Variants in TRPM2 observed in about 807,000 individuals in gnomAD.
The protein encoded by TRPM2 is transient receptor potential cation channel subfamily M member 2.
TRPM2 carries 161 observed loss-of-function variants against 174.0 expected under a neutral mutation model. The observed-to-expected ratio is 0.93, with a 90% CI of 0.81 to 1.05. TRPM2 has a LOEUF of 1.05. TRPM2 is among the 50% of genes least tolerant of loss of function. TRPM2 has a pLI of 0.00. For synonymous variants in TRPM2, 954 were observed against 861.3 expected, an observed-to-expected ratio of 1.11 and a Z score of -1.88; for missense variants, 2,057 against 2,038.0, an observed-to-expected ratio of 1.01 and a Z score of -0.18.
At position 44,379,050 on chromosome 21, in the gene TRPM2, G is replaced by A. The variant is rs767948120; in HGVS notation, c.1068G>A (p.Ser356=). 52 of 1,611,252 alleles carry A rather than the reference G, an allele frequency of 3.2e-5. No individual in the cohort carries two copies. The South Asian group carries it at 4.4e-4, about 14-fold the overall frequency. The change falls in exon 8 of 32, where the codon TCG becomes TCA. Residue 356 remains serine (S), a synonymous_variant. Transcript: ENST00000397928. ...CCCCCTGTGTGGTTGTGGAGGGCTC[G>A]GGCCGCGTGGCCGACGTCATTGCCC... is the stretch of plus-strand genomic sequence containing the variant. ...NGTPCVVVEG[S]GRVADVIAQV...
intron 5 of TRPM2, among the ~76,000 whole-genome samples, chr21:44,371,205 C>T (rs2048530939): frequency 6.6e-6 from 1 of 152,110 alleles, no homozygotes; most frequent in African/African-American, 2.4e-5. Context: ...GGCCACCTCC[C>T]TCCAGTCGCT....
At chr21:44,436,514 GGGCTGCA>G in intron 28 of TRPM2, among the ~76,000 whole-genome samples, 1 of 19,726 alleles carries the variant, frequency 5.1e-5, no homozygotes, top group East Asian at 1.1e-3. Flanking sequence ...CGTCACCCCC[GGGCTGCA>G]CTCTGCACCC....
In TRPM2 at chr21:44,391,778, C is replaced by T. The variant is rs2049184575; in HGVS notation, c.1794+153C>T. Among the ~76,000 whole-genome samples, 1 of 152,202 alleles carries T rather than the reference C, an allele frequency of 6.6e-6. No individual in the cohort carries two copies. The highest frequency in any genetic ancestry group is 2.4e-5 in the African/African-American group (1 of 41,464). On this transcript the variant is annotated intron_variant, in intron 11 of 31. Transcript: ENST00000397928. This position sits in a 1 kb window ranked among gnomAD's most constrained non-coding sequence, Gnocchi z 5.0. ...CTTGGGCTGCTGTAACAAAATTCCA[C>T]AGATGGGGCAGAAACTACCAGTTTA...
Position 44,376,714 on chromosome 21 carries a change from T to TAA in TRPM2, c.952+701_952+702insAA, listed in dbSNP as rs2048709789. On this transcript the variant is annotated intron_variant, in intron 6 of 31. Coordinates refer to ENST00000397928, the MANE Select transcript of TRPM2 (RefSeq NM_003307.4). This position sits in a 1 kb window ranked among gnomAD's most constrained non-coding sequence, Gnocchi z 4.2. ...GTTTTGCATATCACTTGAGGAGGGT[T>TAA]CAAAGAGGAGATGGTGAACGGGAGG... 1.3e-5 allele frequency among the ~76,000 whole-genome samples: 2 copies of TAA among 152,088 alleles called. No homozygotes were observed. Among genetic ancestry groups the TAA allele is most frequent in the African/African-American group, 4.8e-5 (2 of 41,406 alleles).
chr21:44,376,014 G>A lies in TRPM2; in HGVS notation c.952+1G>A, dbSNP rs1249601335. 2 of 1,611,456 alleles carry A rather than the reference G, an allele frequency of 1.2e-6. No individual in the cohort carries two copies. Among genetic ancestry groups the A allele is most frequent in the Non-Finnish European group, 1.7e-6 (2 of 1,177,846 alleles). On this transcript the variant is annotated splice_donor_variant, in intron 6 of 31. Coordinates refer to ENST00000397928, the MANE Select transcript of TRPM2 (RefSeq NM_003307.4). LOFTEE classifies it high-confidence loss of function. This position sits in a 1 kb window ranked among gnomAD's most constrained non-coding sequence, Gnocchi z 4.2. The stretch of plus-strand genomic sequence containing the variant: ...TCGGAGCAGACCAAGGAAAGAGGAG[G>A]TAGGGGAGCTTGCTTTCGAGGGTGA...
At chr21:44,379,279 C>A in intron 8 of TRPM2, 82 bp downstream of exon 8, 1 of 1,507,336 alleles carries the variant, frequency 6.6e-7, no homozygotes, top group South Asian at 1.2e-5. Context: ...GACCAGGACT[C>A]ATGGACCGAT....
At position 44,354,834 on chromosome 21, in the gene TRPM2, G is replaced by T. The variant is rs2048009890; in HGVS notation, c.254+98G>T. Reference sequence around the variant, plus strand: ...CAAGACCCCTCAGGGCCTCAGTGAAGGGTCACTGGAGATACCTCTGTCTCC... The same window carrying T: ...CAAGACCCCTCAGGGCCTCAGTGAATGGTCACTGGAGATACCTCTGTCTCC... On this transcript the variant is annotated intron_variant, in intron 2 of 31. Transcript: ENST00000397928. The surrounding 1 kb of genome is among the most constrained non-coding windows in gnomAD (Gnocchi z 4.3). 2 of 1,067,544 alleles carry T rather than the reference G, an allele frequency of 1.9e-6. No homozygotes were observed. The highest frequency in any genetic ancestry group is 2.9e-6 in the Non-Finnish European group (2 of 687,542). The allele number at this position is 1,067,544 out of a possible 1,614,324, so 66.1% of individuals were successfully genotyped here.
At chr21:44,393,606 G>A (rs1281953204) in intron 11 of TRPM2, among the ~76,000 whole-genome samples, 1 of 151,818 alleles carries the variant, frequency 6.6e-6, no homozygotes, top group Non-Finnish European at 1.5e-5. Context: ...TGTAGCTGGA[G>A]TTAACTACTT....
At chr21:44,370,788 G>A (rs9637182) in intron 5 of TRPM2, among the ~76,000 whole-genome samples, 1 of 152,184 alleles carries the variant, frequency 6.6e-6, no homozygotes, top group South Asian at 2.1e-4. Flanking sequence ...CTCTTTTTAC[G>A]AATTGAAAAA....
At position 44,418,453 on chromosome 21, in the gene TRPM2, C is replaced by T; in HGVS notation, c.3359C>T (p.Ala1120Val). ...AAGCTGGAGAAGAACGAGGAGGCGG[C>T]CCTGCTATCCTGGGAGATCTACCTG... ...KNKLEKNEEA[A>V]LLSWEIYLKE... The change falls in exon 22 of 32, where the codon GCC becomes GTC. Residue 1120 changes from alanine (A) to valine (V), a missense_variant. Transcript: ENST00000397928. 6.2e-7 allele frequency: 1 copy of T among 1,613,990 alleles called. No individual in the cohort carries two copies. The highest frequency in any genetic ancestry group is 8.5e-7 in the Non-Finnish European group (1 of 1,179,970).
At chr21:44,405,632 C>A (rs1404544335) in intron 17 of TRPM2, among the ~76,000 whole-genome samples, 1 of 152,202 alleles carries the variant, frequency 6.6e-6, no homozygotes, top group Non-Finnish European at 1.5e-5. Flanking sequence ...GCCGCGGCCC[C>A]CTTTCTCGGA....
intron 5 of TRPM2, 104 bp from the exon 6 acceptor site, chr21:44,375,729 C>A: frequency 7.5e-7 from 1 of 1,331,574 alleles, no homozygotes; most frequent in East Asian, 2.5e-5. Flanking sequence ...CCACAGATTC[C>A]AGGGACTGGG....
chr21:44,389,873 A>AT (rs34732510), intron 9 of TRPM2, among the ~76,000 whole-genome samples: 37,145 of 139,322 alleles, frequency 0.27, 7,377 homozygotes, highest in African/African-American at 0.56. Flanking sequence ...GAGGCTTAAA[A>AT]TTTTTTTTTT....
intron 3 of TRPM2, among the ~76,000 whole-genome samples, chr21:44,365,307 G>T (rs62220434): frequency 6.6e-6 from 1 of 152,226 alleles, no homozygotes; most frequent in African/African-American, 2.4e-5. Flanking sequence ...CTGTGCTGGC[G>T]TCTGGAGCCC....
intron 9 of TRPM2, among the ~76,000 whole-genome samples, chr21:44,387,862 G>T (rs960531391): frequency 2.0e-5 from 3 of 152,212 alleles, no homozygotes; most frequent in African/African-American, 7.2e-5. Context: ...AACACATTAG[G>T]ATAGCTACTA....
At chr21:44,403,671 A>G (rs2049719983) in intron 16 of TRPM2, among the ~76,000 whole-genome samples, 1 of 151,864 alleles carries the variant, frequency 6.6e-6, no homozygotes, top group Non-Finnish European at 1.5e-5. Flanking sequence ...ATGCATACAC[A>G]CATGCATACA....
intron 4 of TRPM2, 150 bp from the exon 5 acceptor site, chr21:44,369,026 AC>A: frequency 1.2e-6 from 1 of 840,802 alleles, no homozygotes; most frequent in Non-Finnish European, 1.7e-6. Flanking sequence ...GGTTCCTTAC[AC>A]CTGATGCTGG....
chr21:44,388,417 G>A (rs935026065), intron 9 of TRPM2, among the ~76,000 whole-genome samples: 3 of 152,114 alleles, frequency 2.0e-5, no homozygotes, highest in African/African-American at 7.2e-5. Context: ...GGTGAATGAG[G>A]AGTTAATGTT....
intron 9 of TRPM2, 27 bp downstream of exon 9, chr21:44,382,847 T>C: frequency 6.3e-7 from 1 of 1,597,014 alleles, no homozygotes; most frequent in Non-Finnish European, 8.6e-7. Flanking sequence ...ATGGGGGCAA[T>C]GGGGTGGAGG....
Sources: allele counts gnomAD v4.1 joint callset (sites outside exome capture counted in the v4.1 genomes callset), GRCh38; gene constraint gnomAD v4.1.1; non-coding constraint Gnocchi (gnomAD v3.1); transcripts MANE v1.5; gene names NCBI Gene and HGNC (gene_info 2026-07-23, HGNC 2026-07-21).